NRDE2: variants seen among roughly 807,000 people sequenced by gnomAD.
NRDE2 encodes the protein nuclear exosome regulator NRDE2.
In NRDE2, 76 loss-of-function variants were observed where a neutral mutation model predicts 124.2. That is an observed-to-expected ratio of 0.61 (90% CI 0.51 to 0.74). The LOEUF (loss-of-function observed/expected upper bound fraction) is 0.74. Ranked by LOEUF, NRDE2 falls within the 30% of genes least tolerant of loss-of-function variation. The pLI is 0.00. For synonymous variants in NRDE2, 489 were observed against 528.1 expected, an observed-to-expected ratio of 0.93 and a Z score of 1.01; for missense variants, 1,314 against 1,417.3, an observed-to-expected ratio of 0.93 and a Z score of 1.17.
intron 1 of NRDE2, among the ~76,000 whole-genome samples, chr14:90,319,262 A>G (rs138808165): frequency 2.1e-3 from 321 of 152,328 alleles, no homozygotes; most frequent in African/African-American, 7.4e-3. Flanking sequence ...CTAAAGAGGA[A>G]GAACCCGTTA....
chr14:90,276,537 A>C lies in NRDE2; in HGVS notation c.*1799T>G, dbSNP rs557357123. On this transcript the variant is annotated 3_prime_UTR_variant, in exon 14 of 14. Coordinates refer to ENST00000354366, the MANE Select transcript of NRDE2 (RefSeq NM_017970.4). The stretch of plus-strand genomic sequence containing the variant: ...CCTGGCCTCAAATGGGCTTTTAAAT[A>C]ACAACAGTGATGCTCTTGACATCTT... 6.6e-5 allele frequency: 10 copies of C among 152,250 alleles called. No individual in the cohort carries two copies. The highest frequency in any genetic ancestry group is 1.9e-4 in the African/African-American group (8 of 41,522). 9.4% of individuals were successfully genotyped at this position (152,250 alleles called of 1,614,324 possible).
rs1358471102 is a variant in NRDE2 at position 90,292,695 on chromosome 14, G to A, written c.1842+2C>T. 1.2e-6 allele frequency: 2 copies of A among 1,612,894 alleles called. No individual in the cohort carries two copies. The highest frequency in any genetic ancestry group is 2.2e-5 in the East Asian group (1 of 44,852). The stretch of plus-strand genomic sequence containing the variant: ...TTCCTGCCTGGGGCGGAGGATACAT[G>A]CCTGTCTCTCGGGATCCTCACAGTC... On this transcript the variant is annotated splice_donor_variant, in intron 9 of 13. Coordinates refer to ENST00000354366, the MANE Select transcript of NRDE2 (RefSeq NM_017970.4). LOFTEE classifies it low-confidence loss of function (GC_TO_GT_DONOR).
Position 90,316,285 on chromosome 14 carries a change from T to G in NRDE2, c.407+293A>C, listed in dbSNP as rs1418037829. Among the ~76,000 whole-genome samples, 4 of 152,152 alleles carry G rather than the reference T, an allele frequency of 2.6e-5. No individual in the cohort carries two copies. In the East Asian group the frequency reaches 7.7e-4, roughly 29 times the overall value. On this transcript the variant is annotated intron_variant, in intron 3 of 13. Transcript: ENST00000354366. ...CTCAGAGAGGGAACCGTTATCTATGTGATAACGGCACTGACTCACAGACCC... is the reference window on the plus strand; with the variant it reads ...CTCAGAGAGGGAACCGTTATCTATGGGATAACGGCACTGACTCACAGACCC...
intron 8 of NRDE2, among the ~76,000 whole-genome samples, chr14:90,293,386 G>C (rs1324542054): frequency 6.6e-6 from 1 of 152,152 alleles, no homozygotes; most frequent in East Asian, 1.9e-4. Context: ...GAGTAGCTGG[G>C]ATTACAGGTA....
chr14:90,315,872 G>A (rs972688146), intron 3 of NRDE2, among the ~76,000 whole-genome samples: 6 of 147,848 alleles, frequency 4.1e-5, no homozygotes, highest in Admixed American at 1.4e-4. Flanking sequence ...CAGGACAATC[G>A]CCTGAACCCA....
At chr14:90,330,977 G>T (rs1226522846) in intron 1 of NRDE2, among the ~76,000 whole-genome samples, 2 of 151,778 alleles carry the variant, frequency 1.3e-5, no homozygotes, top group Non-Finnish European at 2.9e-5. Context: ...CCCAGGGCAG[G>T]ATGCAGCGGC....
At chr14:90,294,008 G>A (rs2139680208) in intron 8 of NRDE2, among the ~76,000 whole-genome samples, 1 of 152,256 alleles carries the variant, frequency 6.6e-6, no homozygotes, top group South Asian at 2.1e-4. Context: ...CTCAGAAGCA[G>A]CTTCATGCAT....
intron 6 of NRDE2, 92 bp from the exon 7 acceptor site, chr14:90,301,464 G>C: frequency 1.7e-6 from 2 of 1,203,532 alleles, no homozygotes; most frequent in Non-Finnish European, 2.4e-6. Flanking sequence ...AACACATTGA[G>C]AACACCTTTC....
intron 1 of NRDE2, among the ~76,000 whole-genome samples, chr14:90,319,023 A>T (rs1159980163): frequency 6.6e-6 from 1 of 152,206 alleles, no homozygotes; most frequent in African/African-American, 2.4e-5. Context: ...TGTGATGATT[A>T]TCTCTAGGTG....
chr14:90,296,593 T>A (rs73318628), intron 8 of NRDE2, among the ~76,000 whole-genome samples: 1 of 152,152 alleles, frequency 6.6e-6, no homozygotes, highest in Admixed American at 6.5e-5. Flanking sequence ...AAAGTTTTCA[T>A]GGTGCAAATG....
chr14:90,298,250 G>T lies in NRDE2; in HGVS notation c.1666+10C>A, dbSNP rs553900784. ...ACAGAAGTACACGTCTTCAATGAGA[G>T]GTGACTTACCTGGGTTGATGACCAC... is the stretch of plus-strand genomic sequence containing the variant. On this transcript the variant is annotated intron_variant, in intron 8 of 13. Transcript: ENST00000354366. The T allele has an allele frequency of 5.6e-6, 9 of 1,612,656 alleles. No homozygotes were observed. The South Asian group carries it at 9.9e-5, about 18-fold the overall frequency.
At chr14:90,308,916 T>G (rs925157916) in intron 4 of NRDE2, among the ~76,000 whole-genome samples, 7 of 151,736 alleles carry the variant, frequency 4.6e-5, no homozygotes, top group Non-Finnish European at 2.9e-5. Context: ...AATTAAGAAG[T>G]GAGGAGAGTT....
At position 90,288,501 on chromosome 14, in the gene NRDE2, G is replaced by A. The variant is rs1892173441; in HGVS notation, c.2874C>T (p.Leu958=). 1.2e-6 allele frequency: 2 copies of A among 1,614,086 alleles called. No individual in the cohort carries two copies. Among genetic ancestry groups the A allele is most frequent in the African/African-American group, 1.3e-5 (1 of 75,002 alleles). ...TCGTGTGCATCAGTGTGATGGCTTC[G>A]AGAACACTGGTCCAACTCTGGGAGC... The part of the protein sequence containing the change: ...SASSQSWTSV[L]EAITLMHTSL... The change falls in exon 11 of 14, where the codon CTC becomes CTT. Residue 958 remains leucine, a synonymous_variant. Coordinates refer to ENST00000354366, the MANE Select transcript of NRDE2 (RefSeq NM_017970.4).
chr14:90,297,646 G>C (rs1675424841), intron 8 of NRDE2, among the ~76,000 whole-genome samples: 2 of 152,024 alleles, frequency 1.3e-5, no homozygotes, highest in Non-Finnish European at 2.9e-5. Context: ...CACTAAAAAA[G>C]AATGGGGTCG....
In NRDE2 at chr14:90,290,611, C is replaced by T. The variant is rs1490430197; in HGVS notation, c.1843-4G>A. The stretch of plus-strand genomic sequence containing the variant: ...GCCCAATATCATCAAACAACACCTG[C>T]AACAAAGACAAAATAAAGCGACCCA... On this transcript the variant is annotated splice_region_variant and splice_polypyrimidine_tract_variant and intron_variant, in intron 9 of 13. Transcript: ENST00000354366. The T allele has an allele frequency of 6.5e-7, 1 of 1,550,192 alleles. No homozygotes were observed. The highest frequency in any genetic ancestry group is 2.4e-5 in the East Asian group (1 of 41,980).
rs559338866 is a variant in NRDE2 at position 90,311,467 on chromosome 14, C to T, written c.557+927G>A. 3.3e-5 allele frequency among the ~76,000 whole-genome samples: 5 copies of T among 152,174 alleles called. 1 individual carries two copies. Among genetic ancestry groups the T allele is most frequent in the Admixed American group, 1.3e-4 (2 of 15,272 alleles). Reference sequence around the variant, plus strand: ...GCTGTTCTCGTGACAGTGAGTGTCACGAGATCTGATGGTTTTATAAAGGGC... The same window carrying T: ...GCTGTTCTCGTGACAGTGAGTGTCATGAGATCTGATGGTTTTATAAAGGGC... On this transcript the variant is annotated intron_variant, in intron 4 of 13. Transcript: ENST00000354366.
intron 8 of NRDE2, among the ~76,000 whole-genome samples, chr14:90,293,744 G>C (rs1892336872): frequency 6.6e-6 from 1 of 152,072 alleles, no homozygotes; most frequent in South Asian, 2.1e-4. Context: ...CTTTAAAAAA[G>C]CCAAATCAAT....
chr14:90,285,869 A>G (rs1452202716), intron 12 of NRDE2, among the ~76,000 whole-genome samples: 1 of 152,146 alleles, frequency 6.6e-6, no homozygotes, highest in Non-Finnish European at 1.5e-5. Flanking sequence ...TCCTGGGCTC[A>G]GACGATTTTC....
Position 90,301,274 on chromosome 14 carries a change from GT to G in NRDE2, c.1509del (p.Lys503AsnfsTer5). The G allele has an allele frequency of 6.2e-7, 1 of 1,613,724 alleles. No homozygotes were observed. Among genetic ancestry groups the G allele is most frequent in the Non-Finnish European group, 8.5e-7 (1 of 1,179,790 alleles). On this transcript the variant is annotated frameshift_variant, in exon 7 of 14. Coordinates refer to ENST00000354366, the MANE Select transcript of NRDE2 (RefSeq NM_017970.4). LOFTEE classifies it high-confidence loss of function. ...FQAMVDFTFF[K>X]PDSVKDLPTK... Reference sequence around the variant, plus strand: ...GTAGGCAGATCTTTCACGCTGTCGGGTTTGAAGAAGGTGAAGTCCACCATGG... The same window carrying G: ...GTAGGCAGATCTTTCACGCTGTCGGGTTGAAGAAGGTGAAGTCCACCATGG...
Sources: gnomAD v4.1 joint callset for allele counts (sites outside exome capture counted in the v4.1 genomes callset) on GRCh38, gnomAD v4.1.1 for gene constraint, MANE v1.5 for transcripts, NCBI Gene and HGNC (gene_info 2026-07-23, HGNC 2026-07-21) for gene names.